GNPTAB: variants seen among roughly 807,000 people sequenced by gnomAD.
The protein encoded by GNPTAB is N-acetylglucosamine-1-phosphate transferase subunits alpha and beta.
Under a neutral mutation model 136.6 loss-of-function variants are expected in GNPTAB, and 92 were observed. The observed-to-expected ratio is 0.67, with a 90% CI of 0.57 to 0.80. GNPTAB has a LOEUF of 0.80. Ranked by LOEUF, GNPTAB falls within the 30% of genes least tolerant of loss-of-function variation. The pLI is 0.00. For missense variants in GNPTAB, 1,343 were observed against 1,501.8 expected, an observed-to-expected ratio of 0.89 and a Z score of 1.75; for synonymous variants, 512 against 535.1, an observed-to-expected ratio of 0.96 and a Z score of 0.60.
intron 7 of GNPTAB, among the ~76,000 whole-genome samples, chr12:101,775,066 T>TC (rs1237824243): frequency 6.6e-6 from 1 of 152,052 alleles, no homozygotes; most frequent in Non-Finnish European, 1.5e-5. Context: ...CATAGGACAG[T>TC]CCCCCAAGGA....
intron 4 of GNPTAB, among the ~76,000 whole-genome samples, chr12:101,787,675 AG>A (rs1463249797): frequency 6.6e-6 from 1 of 152,142 alleles, no homozygotes; most frequent in Admixed American, 6.5e-5. Flanking sequence ...GTACTTTGGG[AG>A]GCCGAGGCGG....
In GNPTAB at chr12:101,765,158, G is replaced by A. The variant is rs281864982; in HGVS notation, c.1759C>T (p.Arg587Ter). ...EGAYSDNPIIRHASIANKWKT... is the reference protein window; with the variant it reads ...EGAYSDNPII ...CACTTGTTGGCAATAGAAGCATGTC[G>A]AATTATTGGATTGTCACTATAGGCA... The change falls in exon 13 of 21, where the codon CGA (arginine) becomes TGA (stop). Residue 587 changes from arginine to a stop codon, truncating the protein, a stop_gained. Transcript: ENST00000299314. LOFTEE classifies it high-confidence loss of function. 2.5e-6 allele frequency: 4 copies of A among 1,614,096 alleles called. No individual in the cohort carries two copies. Among genetic ancestry groups the A allele is most frequent in the Non-Finnish European group, 2.5e-6 (3 of 1,179,998 alleles).
At chr12:101,782,880 C>A (rs934360220) in intron 5 of GNPTAB, among the ~76,000 whole-genome samples, 1 of 152,090 alleles carries the variant, frequency 6.6e-6, no homozygotes, top group African/African-American at 2.4e-5. Flanking sequence ...ATTCTACTTA[C>A]CCAGATCAGT....
chr12:101,826,173 G>A (rs933416442), intron 1 of GNPTAB, among the ~76,000 whole-genome samples: 3 of 152,194 alleles, frequency 2.0e-5, no homozygotes, highest in African/African-American at 7.2e-5. Context: ...ATAACTCATT[G>A]ATTCAAAATG....
Position 101,830,324 on chromosome 12 carries a change from G to A in GNPTAB, c.117+235C>T, listed in dbSNP as rs80212141. Among the ~76,000 whole-genome samples, 7,046 of 152,254 alleles carry A rather than the reference G, an allele frequency of 0.046. 543 individuals carry two copies. Among genetic ancestry groups the A allele is most frequent in the African/African-American group, 0.16 (6,662 of 41,516 alleles). ...GCTCATAGTCTCTGCACACGTTTAT[G>A]ATAAAGAATACTGTATTTGGCCGGG... On this transcript the variant is annotated intron_variant, in intron 1 of 20. Coordinates refer to ENST00000299314, the MANE Select transcript of GNPTAB (RefSeq NM_024312.5).
chr12:101,758,613 G>T (rs1952939672), intron 16 of GNPTAB, among the ~76,000 whole-genome samples: 1 of 152,190 alleles, frequency 6.6e-6, no homozygotes, highest in Admixed American at 6.5e-5. Flanking sequence ...CACATTTAGA[G>T]AATTGGCTTT....
intron 10 of GNPTAB, among the ~76,000 whole-genome samples, 171 bp downstream of exon 10, chr12:101,769,850 A>C (rs1424403829): frequency 1.3e-5 from 2 of 152,150 alleles, no homozygotes; most frequent in Non-Finnish European, 2.9e-5. Context: ...GCTGGTCTCA[A>C]ACCCCTAGGT....
rs376930827 is a variant in GNPTAB, at chr12:101,813,447, T to C, written c.118-16685A>G. ...TACATTTAGGGACATATATAAAACATTGAAAGGAGTCCAGATTTTCTATTA... is the reference window on the plus strand; with the variant it reads ...TACATTTAGGGACATATATAAAACACTGAAAGGAGTCCAGATTTTCTATTA... On this transcript the variant is annotated intron_variant, in intron 1 of 20. Coordinates refer to ENST00000299314, the MANE Select transcript of GNPTAB (RefSeq NM_024312.5). Among the ~76,000 whole-genome samples the C allele has an allele frequency of 4.6e-5, 7 of 152,236 alleles. No individual in the cohort carries two copies. In the South Asian group the frequency reaches 1.2e-3, roughly 27 times the overall value.
chr12:101,758,059 G>A (rs1427076392), intron 16 of GNPTAB, among the ~76,000 whole-genome samples: 1 of 136,948 alleles, frequency 7.3e-6, no homozygotes, highest in Non-Finnish European at 1.5e-5. Context: ...TTTTTTTTGA[G>A]ACGGAGTCTC....
chr12:101,820,076 G>T (rs1374912659), intron 1 of GNPTAB, among the ~76,000 whole-genome samples: 1 of 152,182 alleles, frequency 6.6e-6, no homozygotes, highest in Admixed American at 6.5e-5. Flanking sequence ...CCTGAGATGG[G>T]ACAGTTGGCA....
chr12:101,759,969 TA>T, intron 16 of GNPTAB, 60 bp downstream of exon 16: 9 of 978,858 alleles, frequency 9.2e-6, no homozygotes, highest in Non-Finnish European at 1.3e-5. Context: ...AGAAATGCTG[TA>T]AGTAACACTT....
At chr12:101,747,717 C>G (rs192984286) in intron 20 of GNPTAB, among the ~76,000 whole-genome samples, 1 of 151,870 alleles carries the variant, frequency 6.6e-6, no homozygotes, top group African/African-American at 2.4e-5. Context: ...GAATGATGAG[C>G]TGGAATTTGG....
chr12:101,761,412 G>A (rs1431603026), intron 14 of GNPTAB, 66 bp from the exon 15 acceptor site: 3 of 1,512,818 alleles, frequency 2.0e-6, no homozygotes, highest in Non-Finnish European at 2.7e-6. Flanking sequence ...AACATTTGCA[G>A]AGATGGACTT....
At chr12:101,753,629 TG>T (rs1952855864) in intron 18 of GNPTAB, 90 bp from the exon 19 acceptor site, 3 of 1,039,770 alleles carry the variant, frequency 2.9e-6, no homozygotes, top group Non-Finnish European at 4.5e-6. Flanking sequence ...ATATTTTAAA[TG>T]GACTTATGTC....
At position 101,770,988 on chromosome 12, in the gene GNPTAB, T is replaced by C. The variant is rs747034689; in HGVS notation, c.933+8A>G. The C allele has an allele frequency of 6.2e-7, 1 of 1,613,670 alleles. No homozygotes were observed. The highest frequency in any genetic ancestry group is 8.5e-7 in the Non-Finnish European group (1 of 1,179,568). On this transcript the variant is annotated splice_region_variant and intron_variant, in intron 8 of 20. Transcript: ENST00000299314. ...TTTGGGCTGTAAAAGCTTCTGTGCATCCCTTACCTGGCTGATGGCGCTCAG... is the reference window on the plus strand; with the variant it reads ...TTTGGGCTGTAAAAGCTTCTGTGCACCCCTTACCTGGCTGATGGCGCTCAG...
In GNPTAB at chr12:101,830,764, G is replaced by A. The variant is rs530822929; in HGVS notation, c.-89C>T. 5.6e-6 allele frequency: 4 copies of A among 716,220 alleles called. No homozygotes were observed. In the South Asian group the frequency reaches 6.9e-5, roughly 12 times the overall value. 44.4% of individuals were successfully genotyped at this position (716,220 alleles called of 1,614,324 possible). A position where few individuals can be genotyped will look rare whatever the true frequency, so the allele number is the denominator to read the frequency against. ...CAGCGAGCCGCCATTCAGGGGCCCC[G>A]GTCGGGCCGCCGCGCGCAGGTCACA... On this transcript the variant is annotated 5_prime_UTR_variant, in exon 1 of 21. Coordinates refer to ENST00000299314, the MANE Select transcript of GNPTAB (RefSeq NM_024312.5).
chr12:101,795,149 G>A (rs1188926555), intron 2 of GNPTAB, among the ~76,000 whole-genome samples: 1 of 152,106 alleles, frequency 6.6e-6, no homozygotes, highest in African/African-American at 2.4e-5. Flanking sequence ...CACAGTGGGG[G>A]CACCAGACCA....
intron 1 of GNPTAB, among the ~76,000 whole-genome samples, chr12:101,825,113 T>C (rs953182388): frequency 2.6e-5 from 4 of 152,222 alleles, no homozygotes; most frequent in African/African-American, 7.2e-5. Context: ...TAAGCAATTG[T>C]TGTGTACTAA....
Position 101,764,418 on chromosome 12 carries a change from T to C in GNPTAB, c.2499A>G (p.Glu833=), listed in dbSNP as rs77410031. 5.7e-4 allele frequency: 913 copies of C among 1,613,408 alleles called. No homozygotes were observed. The highest frequency in any genetic ancestry group is 6.7e-4 in the Non-Finnish European group (789 of 1,179,988). The change falls in exon 13 of 21, where the codon GAA becomes GAG. Residue 833 remains glutamate (E), a synonymous_variant. Coordinates refer to ENST00000299314, the MANE Select transcript of GNPTAB (RefSeq NM_024312.5). The part of the protein sequence containing the change: ...QKTIGGNVTK[E]KPPSLIVPLE... Reference sequence around the variant, plus strand: ...GTGGAACAATCAGAGATGGGGGCTTTTCTTTTGTCACATTTCCGCCTATGG... The same window carrying C: ...GTGGAACAATCAGAGATGGGGGCTTCTCTTTTGTCACATTTCCGCCTATGG...
Sources: allele counts gnomAD v4.1 joint callset (sites outside exome capture counted in the v4.1 genomes callset), GRCh38; gene constraint gnomAD v4.1.1; transcripts MANE v1.5; gene names NCBI Gene and HGNC (gene_info 2026-07-23, HGNC 2026-07-21).